Variants in FGF12 observed in about 807,000 individuals in gnomAD.
FGF12 encodes the protein fibroblast growth factor 12, also known as fibroblast growth factor 12B.
In FGF12, 14 loss-of-function variants were observed where a neutral mutation model predicts 23.6. That is an observed-to-expected ratio of 0.59 (90% confidence interval 0.39 to 0.93). FGF12 has a LOEUF of 0.93. FGF12 is among the 40% of genes least tolerant of loss of function. The probability of loss-of-function intolerance (pLI) is 0.00; values close to 1 mark genes in which losing one functional copy is unlikely to be tolerated. For missense variants in FGF12, 175 were observed against 217.8 expected (o/e 0.80, Z 1.24); for synonymous variants, 62 against 77.3 (o/e 0.80, Z 1.04).
intron 2 of FGF12, among the ~76,000 whole-genome samples, chr3:192,525,340 T>A (rs952769552): frequency 6.6e-6 from 1 of 152,156 alleles, no homozygotes; most frequent in African/African-American, 2.4e-5. Context: ...TCTGTAAACT[T>A]CTTGAGCTCC....
chr3:192,578,482 T>G (rs1713003723), intron 2 of FGF12, among the ~76,000 whole-genome samples: 1 of 152,188 alleles, frequency 6.6e-6, no homozygotes, highest in Non-Finnish European at 1.5e-5. Flanking sequence ...CAACAATGCA[T>G]ATATTCAAAA....
At chr3:192,347,201 G>T (rs1718005787) in intron 3 of FGF12, among the ~76,000 whole-genome samples, 1 of 152,058 alleles carries the variant, frequency 6.6e-6, no homozygotes, top group Admixed American at 6.6e-5. Context: ...AATAGTCTGG[G>T]ATAGTTCTAG....
intron 3 of FGF12, among the ~76,000 whole-genome samples, chr3:192,344,989 G>A (rs909531168): frequency 6.6e-6 from 1 of 152,076 alleles, no homozygotes; most frequent in Non-Finnish European, 1.5e-5. Context: ...CACAGGTGAC[G>A]GTCCATAAGA....
chr3:192,167,758 TATATATATATAAAA>T (rs1470642604), intron 5 of FGF12, among the ~76,000 whole-genome samples: 577 of 33,198 alleles, frequency 0.017, 49 homozygotes, highest in South Asian at 0.053. Context: ...TATATATATA[TATATATATATAAAA>T]TTTTTTTTTT....
chr3:192,168,464 T>C (rs1715352522), intron 5 of FGF12, among the ~76,000 whole-genome samples: 1 of 152,184 alleles, frequency 6.6e-6, no homozygotes, highest in South Asian at 2.1e-4. Flanking sequence ...GCCCTGAAGG[T>C]AAGTTTAAAT....
Position 192,514,972 on chromosome 3 carries a change from C to G in FGF12, c.14-154434G>C, listed in dbSNP as rs540886494. 2 of 597,700 alleles carry G rather than the reference C, an allele frequency of 3.3e-6. No individual in the cohort carries two copies. The highest frequency in any genetic ancestry group is 2.0e-5 in the African/African-American group (1 of 49,870). 37.0% of individuals were successfully genotyped at this position (597,700 alleles called of 1,614,324 possible). A position where few individuals can be genotyped will look rare whatever the true frequency, so the allele number is the denominator to read the frequency against. ...TCCGCCGGGGGCAGCCCTCCGAGAG[C>G]CCGAGGCGCTGCCACCCCTCGGTGG... On this transcript the variant is annotated intron_variant, in intron 2 of 5. Transcript: ENST00000445105. The surrounding 1 kb of genome is among the most constrained non-coding windows in gnomAD (Gnocchi z 4.9).
chr3:192,315,316 C>A (rs1477662726), intron 4 of FGF12, among the ~76,000 whole-genome samples: 1 of 152,142 alleles, frequency 6.6e-6, no homozygotes, highest in Non-Finnish European at 1.5e-5. Context: ...GTTCAAAGAG[C>A]CAACTTCTCT....
intron 4 of FGF12, among the ~76,000 whole-genome samples, chr3:192,187,957 A>G (rs1236150675): frequency 6.6e-6 from 1 of 152,176 alleles, no homozygotes; most frequent in Non-Finnish European, 1.5e-5. Context: ...TTAGGAAATG[A>G]GAACGGAAAG....
At chr3:192,522,207 AAAAAC>A (rs1488390333) in intron 2 of FGF12, among the ~76,000 whole-genome samples, 16 of 151,750 alleles carry the variant, frequency 1.1e-4, no homozygotes, top group African/African-American at 3.4e-4. Flanking sequence ...CAAAAAAAAA[AAAAAC>A]AAAAAAAAAC....
chr3:192,286,612 G>T (rs1301624052), intron 4 of FGF12, among the ~76,000 whole-genome samples: 1 of 151,922 alleles, frequency 6.6e-6, no homozygotes, highest in African/African-American at 2.4e-5. Flanking sequence ...AAGAGAGAAT[G>T]GAATGAACTG....
chr3:192,169,581 A>G (rs1448268707), intron 5 of FGF12, among the ~76,000 whole-genome samples: 1 of 152,146 alleles, frequency 6.6e-6, no homozygotes, highest in Middle Eastern at 3.2e-3. Context: ...TGAGATATTC[A>G]GGGGACAGCA....
At chr3:192,255,322 T>C (rs945487273) in intron 4 of FGF12, among the ~76,000 whole-genome samples, 1 of 152,030 alleles carries the variant, frequency 6.6e-6, no homozygotes, top group Non-Finnish European at 1.5e-5. Flanking sequence ...ACAATCGTTC[T>C]AACAAAAGCC....
At chr3:192,467,879 C>A (rs957605035) in intron 2 of FGF12, among the ~76,000 whole-genome samples, 1 of 152,176 alleles carries the variant, frequency 6.6e-6, no homozygotes, top group Non-Finnish European at 1.5e-5. Flanking sequence ...CTAGAAGAGG[C>A]TCTAAAAGAA....
At chr3:192,195,942 G>A (rs1041925630) in intron 4 of FGF12, among the ~76,000 whole-genome samples, 3 of 152,098 alleles carry the variant, frequency 2.0e-5, no homozygotes, top group Non-Finnish European at 2.9e-5. Context: ...TGCTATAGAA[G>A]AGATCTCTTG....
chr3:192,354,428 T>C (rs950763655), intron 3 of FGF12, among the ~76,000 whole-genome samples: 1 of 151,094 alleles, frequency 6.6e-6, no homozygotes, highest in African/African-American at 2.4e-5. Flanking sequence ...GAAAAGCACA[T>C]TTAAAATAAA....
chr3:192,625,122 T>C (rs1015738945), intron 2 of FGF12, among the ~76,000 whole-genome samples: 1 of 152,158 alleles, frequency 6.6e-6, no homozygotes, highest in Non-Finnish European at 1.5e-5. Flanking sequence ...CTTTTATAGA[T>C]GATTCTATGA....
chr3:192,515,298 A>AAGC (rs1396400088), intron 2 of FGF12: 1 of 152,308 alleles, frequency 6.6e-6, no homozygotes, highest in Non-Finnish European at 1.5e-5. Flanking sequence ...GGCGGAAGGG[A>AAGC]AGCACCCGCA....
chr3:192,721,671 T>G (rs2108747256), intron 2 of FGF12, among the ~76,000 whole-genome samples: 1 of 152,250 alleles, frequency 6.6e-6, no homozygotes, highest in South Asian at 2.1e-4. Flanking sequence ...GGCAAGTAGG[T>G]TGGCCTCCCC....
chr3:192,657,549 A>T (rs1716484484), intron 2 of FGF12, among the ~76,000 whole-genome samples: 2 of 152,136 alleles, frequency 1.3e-5, no homozygotes, highest in Non-Finnish European at 2.9e-5. Context: ...TCTGGGTATC[A>T]ATTTTATCTG....
Sources: gnomAD v4.1 joint callset for allele counts (sites outside exome capture counted in the v4.1 genomes callset) on GRCh38, gnomAD v4.1.1 for gene constraint, Gnocchi (gnomAD v3.1) non-coding constraint, MANE v1.5 for transcripts, NCBI Gene and HGNC (gene_info 2026-07-23, HGNC 2026-07-21) for gene names.